PDCD10: variants seen among roughly 807,000 people sequenced by gnomAD.
PDCD10 encodes programmed cell death protein 10.
In PDCD10, 4 loss-of-function variants were observed where a neutral mutation model predicts 29.2. The observed-to-expected ratio is 0.14, with a 90% confidence interval of 0.07 to 0.31. The LOEUF is 0.31. Ranked by LOEUF, PDCD10 falls within the 10% of genes least tolerant of loss-of-function variation. PDCD10 has a pLI of 1.00. For missense variants in PDCD10, 183 were observed against 257.9 expected (o/e 0.71, Z 1.99); for synonymous variants, 70 against 82.2 (o/e 0.85, Z 0.80).
intron 3 of PDCD10, among the ~76,000 whole-genome samples, chr3:167,709,335 A>G (rs1722298760): frequency 6.6e-6 from 1 of 152,140 alleles, no homozygotes; most frequent in African/African-American, 2.4e-5. Flanking sequence ...CAATAAAGAG[A>G]GTGGAAAAGA....
chr3:167,713,508 C>T (rs1459676078), intron 3 of PDCD10, among the ~76,000 whole-genome samples: 2 of 151,356 alleles, frequency 1.3e-5, no homozygotes, highest in African/African-American at 2.4e-5. Flanking sequence ...ACATCTTAAA[C>T]AACCAGAAAA....
At chr3:167,700,450 GA>G (rs1295166924) in intron 4 of PDCD10, among the ~76,000 whole-genome samples, 1 of 151,192 alleles carries the variant, frequency 6.6e-6, no homozygotes. Context: ...GCATGATACT[GA>G]ATTGCTTGAA....
At chr3:167,726,188 C>T (rs1214597953) in intron 2 of PDCD10, among the ~76,000 whole-genome samples, 1 of 145,704 alleles carries the variant, frequency 6.9e-6, no homozygotes, top group Non-Finnish European at 1.5e-5. Context: ...TGGCGTACCT[C>T]CACCCAGGTT....
At chr3:167,687,154 T>G in intron 8 of PDCD10, 80 bp downstream of exon 8, 1 of 749,472 alleles carries the variant, frequency 1.3e-6, no homozygotes, top group Non-Finnish European at 2.3e-6. Context: ...TAAAAGGGCT[T>G]AATTTATGTG....
intron 3 of PDCD10, among the ~76,000 whole-genome samples, chr3:167,709,554 G>A (rs1047833254): frequency 3.9e-5 from 6 of 152,130 alleles, no homozygotes; most frequent in Non-Finnish European, 7.4e-5. Flanking sequence ...GACGTGACAC[G>A]GTCAGAGGAG....
chr3:167,714,749 C>T (rs1184561323), intron 3 of PDCD10, among the ~76,000 whole-genome samples: 3 of 151,666 alleles, frequency 2.0e-5, no homozygotes, highest in African/African-American at 7.3e-5. Context: ...ACTAAAAGAC[C>T]TTTACAATGA....
chr3:167,699,187 C>T (rs2108417720), intron 4 of PDCD10, among the ~76,000 whole-genome samples: 1 of 152,304 alleles, frequency 6.6e-6, no homozygotes, highest in East Asian at 1.9e-4. Context: ...CTCATTTCCT[C>T]TTGCAGATAT....
At chr3:167,696,871 C>T (rs1720862801) in intron 5 of PDCD10, 138 bp downstream of exon 5, 6 of 718,888 alleles carry the variant, frequency 8.3e-6, no homozygotes, top group Non-Finnish European at 1.0e-5. Flanking sequence ...CTATCACCAC[C>T]ACCACCATCA....
chr3:167,734,395 GCA>G lies in PDCD10; in HGVS notation c.-253-47_-253-46del, dbSNP rs1219137075. On this transcript the variant is annotated intron_variant, in intron 1 of 8. Coordinates refer to ENST00000392750, the MANE Select transcript of PDCD10 (RefSeq NM_007217.4). ...GTCACCCCCAAGAGCCGACTCCCAA[GCA>G]CCCTTTCCTTCCTCCTCCCTTTTCT... is the stretch of plus-strand genomic sequence containing the variant. 3 of 152,532 alleles carry G rather than the reference GCA, an allele frequency of 2.0e-5. No individual in the cohort carries two copies. The East Asian group carries it at 5.8e-4, about 29-fold the overall frequency. 9.4% of individuals were successfully genotyped at this position (152,532 alleles called of 1,614,324 possible).
intron 6 of PDCD10, among the ~76,000 whole-genome samples, chr3:167,688,436 C>G (rs1395845234): frequency 6.6e-6 from 1 of 152,140 alleles, no homozygotes; most frequent in Non-Finnish European, 1.5e-5. Flanking sequence ...ATATATGCAT[C>G]ATCACCTCCC....
chr3:167,707,984 C>G (rs1159781038), intron 3 of PDCD10, among the ~76,000 whole-genome samples: 5 of 152,158 alleles, frequency 3.3e-5, no homozygotes, highest in Non-Finnish European at 7.4e-5. Context: ...CATTTGGAGA[C>G]AATGGATAGG....
At chr3:167,703,417 G>A (rs532152394) in intron 4 of PDCD10, among the ~76,000 whole-genome samples, 21 of 151,866 alleles carry the variant, frequency 1.4e-4, no homozygotes, top group Non-Finnish European at 2.4e-4. Context: ...TCTAACATAC[G>A]TAATGTAGAT....
chr3:167,720,693 C>T (rs1011385543), intron 2 of PDCD10, among the ~76,000 whole-genome samples: 1 of 151,904 alleles, frequency 6.6e-6, no homozygotes, highest in East Asian at 1.9e-4. Context: ...AAAACCAAAT[C>T]GAAGAATCAA....
At chr3:167,733,709 T>C (rs1327097673) in intron 2 of PDCD10, among the ~76,000 whole-genome samples, 1 of 152,172 alleles carries the variant, frequency 6.6e-6, no homozygotes, top group African/African-American at 2.4e-5. Context: ...ATCCCACTAT[T>C]ATCAGTTTTA....
intron 6 of PDCD10, among the ~76,000 whole-genome samples, chr3:167,688,595 T>C (rs1719896875): frequency 6.6e-6 from 1 of 152,186 alleles, no homozygotes; most frequent in South Asian, 2.1e-4. Context: ...TAGCAATTTT[T>C]TTCCGCCAAA....
At chr3:167,715,887 A>G (rs1722956940) in intron 3 of PDCD10, among the ~76,000 whole-genome samples, 2 of 151,892 alleles carry the variant, frequency 1.3e-5, no homozygotes, top group Non-Finnish European at 2.9e-5. Context: ...GAGGTACCAT[A>G]TGATCCTCTG....
rs903986657 is a variant in PDCD10 at position 167,734,234 on chromosome 3, G to A, written c.-137C>T. On this transcript the variant is annotated 5_prime_UTR_variant, in exon 2 of 9. Transcript: ENST00000392750. The stretch of plus-strand genomic sequence containing the variant: ...CATACCTTAGGTATGACACCTAAGA[G>A]GGTCAAGTCTTTCTGTTTAAGGCAA... The A allele has an allele frequency of 6.6e-6, 1 of 152,214 alleles. No individual in the cohort carries two copies. Among genetic ancestry groups the A allele is most frequent in the Non-Finnish European group, 1.5e-5 (1 of 68,048 alleles). 9.4% of individuals were successfully genotyped at this position (152,214 alleles called of 1,614,324 possible).
chr3:167,717,313 C>T (rs1723120184), intron 3 of PDCD10, among the ~76,000 whole-genome samples: 3 of 152,020 alleles, frequency 2.0e-5, no homozygotes, highest in Non-Finnish European at 4.4e-5. Context: ...ACCATTGTAG[C>T]TATCATGGAT....
At chr3:167,730,058 A>G (rs1183542908) in intron 2 of PDCD10, among the ~76,000 whole-genome samples, 1 of 152,188 alleles carries the variant, frequency 6.6e-6, no homozygotes, top group African/African-American at 2.4e-5. Flanking sequence ...AATATAATAC[A>G]CTTAAGACAC....
Sources: gnomAD v4.1 joint callset for allele counts (sites outside exome capture counted in the v4.1 genomes callset) on GRCh38, gnomAD v4.1.1 for gene constraint, MANE v1.5 for transcripts, NCBI Gene and HGNC (gene_info 2026-07-23, HGNC 2026-07-21) for gene names.